The following ELMO1 variants were observed in gnomAD, a reference collection of about 807,000 sequenced individuals.
The protein encoded by ELMO1 is engulfment and cell motility protein 1.
ELMO1 carries 26 observed loss-of-function variants against 98.9 expected under a neutral mutation model. The ratio of observed to expected loss-of-function variants is 0.26; its 90% confidence interval spans 0.19 to 0.36. The LOEUF is 0.36. ELMO1 is among the 10% of genes least tolerant of loss of function. The pLI is 1.00. For synonymous variants in ELMO1, 346 were observed against 346.0 expected (o/e 1.00, Z 0.00); for missense variants, 627 against 935.2 (o/e 0.67, Z 4.30).
chr7:36,984,810 G>T, intron 16 of ELMO1: 2 of 772,074 alleles, frequency 2.6e-6, no homozygotes, highest in Non-Finnish European at 3.1e-6. Flanking sequence ...AAAGTAACAT[G>T]ATGAATCCTC....
intron 13 of ELMO1, among the ~76,000 whole-genome samples, chr7:37,179,438 C>T (rs529977986): frequency 6.6e-6 from 1 of 151,956 alleles, no homozygotes; most frequent in South Asian, 2.1e-4. Flanking sequence ...CCACCACGAC[C>T]GGCTAATTTT....
intron 5 of ELMO1, among the ~76,000 whole-genome samples, chr7:37,267,323 C>T (rs1562567555): frequency 6.6e-6 from 1 of 152,204 alleles, no homozygotes; most frequent in Non-Finnish European, 1.5e-5. Context: ...CTAACAACTG[C>T]ACAGTATTCT....
chr7:37,439,388 C>A (rs1253440568), intron 1 of ELMO1, among the ~76,000 whole-genome samples: 1 of 152,160 alleles, frequency 6.6e-6, no homozygotes, highest in African/African-American at 2.4e-5. Context: ...CAAAAGTCAC[C>A]TCATTTGTGA....
chr7:37,264,052 T>C (rs534787343), intron 5 of ELMO1, among the ~76,000 whole-genome samples: 24 of 152,256 alleles, frequency 1.6e-4, no homozygotes, highest in African/African-American at 5.5e-4. Context: ...TAGAACTACA[T>C]ATGGAACTTT....
At chr7:37,193,006 T>TAC (rs1361879680) in intron 13 of ELMO1, among the ~76,000 whole-genome samples, 4 of 82,060 alleles carry the variant, frequency 4.9e-5, no homozygotes, top group African/African-American at 2.0e-4. Flanking sequence ...TATATATATA[T>TAC]ATACACACAC....
chr7:37,078,884 A>G (rs1797719561), intron 15 of ELMO1, among the ~76,000 whole-genome samples: 1 of 152,204 alleles, frequency 6.6e-6, no homozygotes, highest in Non-Finnish European at 1.5e-5. Context: ...ATTTAAAAAT[A>G]CACGCTTTAA....
intron 1 of ELMO1, among the ~76,000 whole-genome samples, chr7:37,358,953 A>T (rs1234814383): frequency 2.0e-5 from 3 of 152,218 alleles, no homozygotes; most frequent in African/African-American, 7.2e-5. Context: ...TAAGCTATTT[A>T]AAAAATCAAA....
intron 15 of ELMO1, among the ~76,000 whole-genome samples, chr7:37,031,279 G>A (rs778494699): frequency 2.6e-5 from 4 of 151,926 alleles, no homozygotes; most frequent in Non-Finnish European, 5.9e-5. Flanking sequence ...TTCACAACAC[G>A]GACCCTGACT....
intron 13 of ELMO1, among the ~76,000 whole-genome samples, chr7:37,194,723 C>G (rs577806330): frequency 6.6e-6 from 1 of 152,196 alleles, no homozygotes; most frequent in Non-Finnish European, 1.5e-5. Flanking sequence ...TGTCCAAATG[C>G]TCCCTATTCT....
At chr7:37,093,614 T>G (rs537324472) in intron 15 of ELMO1, among the ~76,000 whole-genome samples, 9 of 152,360 alleles carry the variant, frequency 5.9e-5, no homozygotes, top group South Asian at 4.1e-4. Context: ...TAAGGGTGTA[T>G]TCAGATTAGC....
At chr7:37,033,302 C>G (rs1181536878) in intron 15 of ELMO1, 1 of 446,328 alleles carries the variant, frequency 2.2e-6, no homozygotes, top group Non-Finnish European at 4.5e-6. Flanking sequence ...TGAGCTCTGC[C>G]TATGCTTTAA....
intron 1 of ELMO1, among the ~76,000 whole-genome samples, chr7:37,379,703 T>C (rs1203912238): frequency 6.6e-6 from 1 of 152,212 alleles, no homozygotes; most frequent in Non-Finnish European, 1.5e-5. Flanking sequence ...CCAGCTGGCA[T>C]GGCAAACTTC....
intron 16 of ELMO1, among the ~76,000 whole-genome samples, chr7:36,995,715 T>C (rs1473881264): frequency 6.6e-6 from 1 of 152,180 alleles, no homozygotes; most frequent in African/African-American, 2.4e-5. Flanking sequence ...ATCCCCACTG[T>C]TGAATAGTTG....
intron 6 of ELMO1, among the ~76,000 whole-genome samples, chr7:37,256,730 GGGA>G (rs1795679329): frequency 2.4e-5 from 1 of 42,484 alleles, no homozygotes; most frequent in South Asian, 1.1e-3. Flanking sequence ...GCAGGGGGAA[GGGA>G]AGGGAAGGGA....
chr7:37,364,667 T>G lies in ELMO1; in HGVS notation c.-73-21904A>C, dbSNP rs117770789. ...AAACCAAATTTCTTCTTCTTCTCAT[T>G]TCACCATTTTAAAATTTGGCAAGTT... On this transcript the variant is annotated intron_variant, in intron 1 of 21. Transcript: ENST00000310758. Among the ~76,000 whole-genome samples the G allele has an allele frequency of 3.5e-4, 53 of 152,276 alleles. No homozygotes were observed. The East Asian group carries it at 9.7e-3, about 28-fold the overall frequency.
rs117197754 is a variant in ELMO1, at chr7:37,019,389, T to C, written c.1301-5954A>G. Among the ~76,000 whole-genome samples the C allele has an allele frequency of 3.6e-4, 55 of 152,374 alleles. No homozygotes were observed. The East Asian group carries it at 0.01, about 29-fold the overall frequency. On this transcript the variant is annotated intron_variant, in intron 15 of 21. Coordinates refer to ENST00000310758, the MANE Select transcript of ELMO1 (RefSeq NM_014800.11). ...AAACAGTGAAAAGGCTTTTGTGTATTTGGATACAAACTTCATCATTTCGCT... is the reference window on the plus strand; with the variant it reads ...AAACAGTGAAAAGGCTTTTGTGTATCTGGATACAAACTTCATCATTTCGCT...
intron 1 of ELMO1, among the ~76,000 whole-genome samples, chr7:37,403,494 T>A (rs957166251): frequency 6.6e-6 from 1 of 152,194 alleles, no homozygotes. Context: ...GAAATTATTC[T>A]GTATGATATT....
intron 13 of ELMO1, among the ~76,000 whole-genome samples, chr7:37,150,836 C>T (rs1049680941): frequency 1.3e-5 from 2 of 152,072 alleles, no homozygotes; most frequent in East Asian, 1.9e-4. Flanking sequence ...AAAGATGCAT[C>T]GATTTTCACT....
intron 16 of ELMO1, among the ~76,000 whole-genome samples, chr7:36,911,125 G>T (rs1327078829): frequency 6.6e-6 from 1 of 152,126 alleles, no homozygotes; most frequent in African/African-American, 2.4e-5. Context: ...TGGAGAAAGG[G>T]ATCTATTCTG....
Sources: gnomAD v4.1 joint callset for allele counts (sites outside exome capture counted in the v4.1 genomes callset) on GRCh38, gnomAD v4.1.1 for gene constraint, MANE v1.5 for transcripts, NCBI Gene and HGNC (gene_info 2026-07-23, HGNC 2026-07-21) for gene names.